FAM13A: variants seen among roughly 807,000 people sequenced by gnomAD.
FAM13A encodes the protein family with sequence similarity 13 member A, also known as protein FAM13A.
Under a neutral mutation model 129.6 loss-of-function variants are expected in FAM13A, and 76 were observed. The observed-to-expected ratio is 0.59, with a 90% CI of 0.49 to 0.71. The LOEUF (loss-of-function observed/expected upper bound fraction) is 0.71, where lower values mean the gene tolerates loss of function less well. FAM13A is among the 30% of genes least tolerant of loss of function. FAM13A has a pLI of 0.00. For missense variants in FAM13A, 1,108 were observed against 1,249.3 expected (o/e 0.89, Z 1.70); for synonymous variants, 443 against 449.9 (o/e 0.98, Z 0.20).
intron 2 of FAM13A, among the ~76,000 whole-genome samples, chr4:89,021,248 C>A (rs1767213954): frequency 6.6e-6 from 1 of 152,170 alleles, no homozygotes; most frequent in South Asian, 2.1e-4. Context: ...AGAAGGCCTC[C>A]TGGAGGAGGT....
intron 1 of FAM13A, among the ~76,000 whole-genome samples, chr4:89,038,943 G>C (rs555732350): frequency 1.3e-5 from 2 of 152,160 alleles, no homozygotes; most frequent in African/African-American, 4.8e-5. Context: ...AATTATATCT[G>C]GCTATAATCA....
At chr4:89,024,986 C>T (rs1273578427) in intron 2 of FAM13A, among the ~76,000 whole-genome samples, 1 of 152,148 alleles carries the variant, frequency 6.6e-6, no homozygotes, top group Non-Finnish European at 1.5e-5. Flanking sequence ...GTTTAGTTTG[C>T]ATTACCCGAA....
intron 13 of FAM13A, 86 bp downstream of exon 13, chr4:88,767,467 T>C: frequency 1.1e-6 from 1 of 937,862 alleles, no homozygotes; most frequent in Non-Finnish European, 1.6e-6. Flanking sequence ...CAATGTCCCT[T>C]ATTGGCAGAC....
intron 13 of FAM13A, among the ~76,000 whole-genome samples, chr4:88,764,154 T>C (rs552152373): frequency 1.3e-5 from 2 of 152,306 alleles, no homozygotes; most frequent in African/African-American, 2.4e-5. Context: ...TCTCTTCTCT[T>C]TTCCTTTTTT....
At chr4:88,919,578 C>T (rs1421743776) in intron 5 of FAM13A, among the ~76,000 whole-genome samples, 2 of 152,124 alleles carry the variant, frequency 1.3e-5, no homozygotes, top group East Asian at 1.9e-4. Flanking sequence ...CCAAGATGGC[C>T]GAATAGGAAC....
intron 8 of FAM13A, among the ~76,000 whole-genome samples, chr4:88,800,864 CT>C (rs773902484): frequency 2.0e-4 from 30 of 152,192 alleles, no homozygotes; most frequent in Admixed American, 6.5e-5. Context: ...GTTTGTTCCA[CT>C]TCTTAGTAGC....
chr4:89,002,640 G>T (rs1339296069), intron 3 of FAM13A, among the ~76,000 whole-genome samples: 1 of 152,162 alleles, frequency 6.6e-6, no homozygotes, highest in Non-Finnish European at 1.5e-5. Flanking sequence ...CCAAAGTGAA[G>T]TATGCCAAGA....
chr4:88,937,812 C>A (rs180677100), intron 5 of FAM13A: 6 of 473,454 alleles, frequency 1.3e-5, no homozygotes, highest in African/African-American at 7.9e-5. Flanking sequence ...AAAGGTGGTG[C>A]GGCCAGTTGA....
rs748690836 is a variant in FAM13A at position 88,739,023 on chromosome 4, T to C, written c.2562+7A>G. 1 of 1,593,570 alleles carries C rather than the reference T, an allele frequency of 6.3e-7. No individual in the cohort carries two copies. The highest frequency in any genetic ancestry group is 1.1e-5 in the South Asian group (1 of 90,650). On this transcript the variant is annotated splice_region_variant and intron_variant, in intron 20 of 23. Transcript: ENST00000264344. ...TTGTACCAGCCACGGGAAGGTATTCTACTCACAATGATGGGTATGGTGTTA... is the reference window on the plus strand; with the variant it reads ...TTGTACCAGCCACGGGAAGGTATTCCACTCACAATGATGGGTATGGTGTTA...
intron 10 of FAM13A, among the ~76,000 whole-genome samples, chr4:88,781,855 G>C (rs1437898207): frequency 5.4e-5 from 8 of 149,034 alleles, no homozygotes; most frequent in Middle Eastern, 6.9e-3. Flanking sequence ...TGGGGGGAGC[G>C]GGGAGGGATA....
At chr4:88,864,133 T>A (rs577080697) in intron 6 of FAM13A, among the ~76,000 whole-genome samples, 1 of 152,350 alleles carries the variant, frequency 6.6e-6, no homozygotes, top group South Asian at 2.1e-4. Flanking sequence ...TACAACCTTA[T>A]TCTGAAAGAG....
At chr4:89,014,105 AAATG>A (rs1163517075) in intron 3 of FAM13A, among the ~76,000 whole-genome samples, 1 of 152,208 alleles carries the variant, frequency 6.6e-6, no homozygotes, top group East Asian at 1.9e-4. Context: ...GCAGGTTAGA[AAATG>A]AATGAATGAA....
At position 88,923,698 on chromosome 4, in the gene FAM13A, G is replaced by A. The variant is rs562014552; in HGVS notation, c.759+14390C>T. On this transcript the variant is annotated intron_variant, in intron 5 of 23. Transcript: ENST00000264344. ...ACTCAACTCAGTGTTGGAAGTTCTG[G>A]CCAGGGCAATTAGGCAGGAGAAGGA... 4.6e-5 allele frequency among the ~76,000 whole-genome samples: 7 copies of A among 152,256 alleles called. No homozygotes were observed. The East Asian group carries it at 7.7e-4, about 17-fold the overall frequency.
chr4:88,739,151 A>G (rs1245219944), intron 19 of FAM13A, 26 bp from the exon 20 acceptor site: 19 of 1,531,150 alleles, frequency 1.2e-5, no homozygotes, highest in Non-Finnish European at 1.6e-5. Context: ...GAGAGCTATG[A>G]GAAGCCTGCT....
Position 89,018,821 on chromosome 4 carries a change from CACAG to C in FAM13A, c.427+1635_427+1638del, listed in dbSNP as rs1182154793. On this transcript the variant is annotated intron_variant, in intron 3 of 23. Coordinates refer to ENST00000264344, the MANE Select transcript of FAM13A (RefSeq NM_014883.4). ...GTCTAAAACTCGTCAAAGAGTCTAA[CACAG>C]ACAGTCTGGCTATGGGTGCCCTGGG... Among the ~76,000 whole-genome samples the C allele has an allele frequency of 3.1e-4, 47 of 152,340 alleles. 2 individuals are homozygous for C. The South Asian group carries it at 8.3e-3, about 27-fold the overall frequency.
Position 88,747,036 on chromosome 4 carries a change from A to C in FAM13A, c.2383-21T>G, listed in dbSNP as rs113724222. ...ATATCCTGTATAAACACAGGGATAG[A>C]GAATTGAAAGAGAGGAAAATGTGTG... On this transcript the variant is annotated intron_variant, in intron 18 of 23. Transcript: ENST00000264344. The C allele has an allele frequency of 2.6e-4, 392 of 1,495,554 alleles. 4 individuals carry two copies. In the South Asian group the frequency reaches 3.7e-3, roughly 14 times the overall value. The allele number at this position is 1,495,554 out of a possible 1,614,324, so 92.6% of individuals were successfully genotyped here.
intron 2 of FAM13A, among the ~76,000 whole-genome samples, chr4:89,025,486 G>A (rs1767856311): frequency 6.6e-6 from 1 of 150,800 alleles, no homozygotes; most frequent in African/African-American, 2.4e-5. Context: ...GGATGGTCTC[G>A]ATCTCCTGAC....
At chr4:88,794,884 C>T (rs577611813) in intron 8 of FAM13A, among the ~76,000 whole-genome samples, 13 of 151,776 alleles carry the variant, frequency 8.6e-5, no homozygotes, top group African/African-American at 2.2e-4. Context: ...TCTTAAAATA[C>T]GATAAGTTGA....
intron 6 of FAM13A, among the ~76,000 whole-genome samples, chr4:88,877,188 C>A (rs1742679111): frequency 2.0e-5 from 3 of 152,066 alleles, no homozygotes; most frequent in Admixed American, 1.3e-4. Flanking sequence ...GCAACTGATA[C>A]CGTTATGTTT....
Sources: gnomAD v4.1 joint callset for allele counts (sites outside exome capture counted in the v4.1 genomes callset) on GRCh38, gnomAD v4.1.1 for gene constraint, MANE v1.5 for transcripts, NCBI Gene and HGNC (gene_info 2026-07-23, HGNC 2026-07-21) for gene names.